The following RYR2 variants were observed in gnomAD, a reference collection of about 807,000 sequenced individuals.
RYR2 encodes the protein ryanodine receptor 2.
Under a neutral mutation model 601.1 loss-of-function variants are expected in RYR2, and 227 were observed. The observed-to-expected ratio is 0.38, with a 90% confidence interval of 0.34 to 0.42. The LOEUF is 0.42. RYR2 is among the 10% of genes least tolerant of loss of function. RYR2 has a pLI of 1.00. For synonymous variants in RYR2, 2,223 were observed against 2,175.1 expected, an observed-to-expected ratio of 1.02 and a Z score of -0.61; for missense variants, 4,646 against 6,156.5, an observed-to-expected ratio of 0.75 and a Z score of 8.21.
chr1:237,233,657 G>A lies in RYR2; in HGVS notation c.49-36840G>A, dbSNP rs372012562. Among the ~76,000 whole-genome samples, 9 of 152,030 alleles carry A rather than the reference G, an allele frequency of 5.9e-5. No individual in the cohort carries two copies. In the East Asian group the frequency reaches 1.3e-3, roughly 23 times the overall value. On this transcript the variant is annotated intron_variant, in intron 1 of 104. Transcript: ENST00000366574. ...TAGTTTTGCTATTCCCAGCTTGGTA[G>A]TCTTATTGTTATTTTGAAATGGAGT... is the stretch of plus-strand genomic sequence containing the variant.
intron 12 of RYR2, among the ~76,000 whole-genome samples, chr1:237,424,311 G>T (rs1705896437): frequency 6.6e-6 from 1 of 152,108 alleles, no homozygotes; most frequent in South Asian, 2.1e-4. Flanking sequence ...ATAAAGATTT[G>T]ACTTTGTATT....
chr1:237,221,028 G>A (rs1683747083), intron 1 of RYR2, among the ~76,000 whole-genome samples: 1 of 151,932 alleles, frequency 6.6e-6, no homozygotes, highest in Non-Finnish European at 1.5e-5. Context: ...CCCTGGAGGT[G>A]GAGTTTGCAG....
At chr1:237,489,579 C>T (rs1572559461) in intron 17 of RYR2, among the ~76,000 whole-genome samples, 1 of 152,148 alleles carries the variant, frequency 6.6e-6, no homozygotes, top group South Asian at 2.1e-4. Flanking sequence ...GTTGCTTGAA[C>T]CCGGGTGGTA....
At chr1:237,285,054 T>C (rs1691395204) in intron 2 of RYR2, among the ~76,000 whole-genome samples, 1 of 152,158 alleles carries the variant, frequency 6.6e-6, no homozygotes, top group South Asian at 2.1e-4. Flanking sequence ...TGGCTAGGAC[T>C]TCCAGTACTA....
intron 1 of RYR2, among the ~76,000 whole-genome samples, chr1:237,053,281 C>A (rs530313239): frequency 6.6e-6 from 1 of 152,138 alleles, no homozygotes; most frequent in African/African-American, 2.4e-5. Flanking sequence ...GTAGGTTCGA[C>A]GAAACGTCAG....
At chr1:237,268,803 G>A (rs1689338817) in intron 1 of RYR2, among the ~76,000 whole-genome samples, 1 of 151,190 alleles carries the variant, frequency 6.6e-6, no homozygotes, top group East Asian at 2.0e-4. Context: ...GGGTGTGGTG[G>A]TGGGTGCCTG....
intron 1 of RYR2, among the ~76,000 whole-genome samples, chr1:237,114,241 GA>G (rs1337527385): frequency 7.9e-5 from 12 of 152,166 alleles, no homozygotes; most frequent in African/African-American, 2.7e-4. Context: ...ATATTACTAG[GA>G]TTGGCCCAGA....
chr1:237,388,494 C>T (rs1344714180), intron 10 of RYR2, among the ~76,000 whole-genome samples: 1 of 152,164 alleles, frequency 6.6e-6, no homozygotes, highest in African/African-American at 2.4e-5. Flanking sequence ...ATTAAATGCT[C>T]ATTAGTTTTG....
chr1:237,730,307 T>C lies in RYR2; in HGVS notation c.10886T>C (p.Ile3629Thr). The stretch of plus-strand genomic sequence containing the variant: ...CTTCAGGGATATGAAAAGTCTTGGA[T>C]TGAAACAGAAGAACATTACTTTGAA... ...LFLQGYEKSW[I>T]ETEEHYFEDK... Residue 3629 changes from isoleucine to threonine, a missense_variant, in exon 77 of 105, where the codon ATT (isoleucine) becomes ACT (threonine). Physicochemically the swap from Ile to Thr is moderately conservative, Grantham distance 89 (BLOSUM62 -1). This residue lies in a region of RYR2 where 1,497 missense variants were observed against 1,842.6 expected (regional missense o/e 0.81). Coordinates refer to ENST00000366574, the MANE Select transcript of RYR2 (RefSeq NM_001035.3). 1.2e-6 allele frequency: 2 copies of C among 1,608,796 alleles called. No homozygotes were observed. Among genetic ancestry groups the C allele is most frequent in the Non-Finnish European group, 1.7e-6 (2 of 1,175,392 alleles).
chr1:237,596,331 AT>A (rs1234205950), intron 34 of RYR2, among the ~76,000 whole-genome samples: 1 of 152,228 alleles, frequency 6.6e-6, no homozygotes, highest in Non-Finnish European at 1.5e-5. Context: ...TGAATGAGAT[AT>A]TCAATGAAGA....
At chr1:237,449,992 G>A (rs1416523300) in intron 14 of RYR2, among the ~76,000 whole-genome samples, 1 of 152,074 alleles carries the variant, frequency 6.6e-6, no homozygotes, top group Non-Finnish European at 1.5e-5. Flanking sequence ...GGTGGGAAGA[G>A]CAGTGTTTAC....
intron 1 of RYR2, among the ~76,000 whole-genome samples, chr1:237,139,019 A>G (rs1571981340): frequency 1.3e-5 from 2 of 152,190 alleles, no homozygotes; most frequent in Non-Finnish European, 2.9e-5. Flanking sequence ...TGAACCAGCA[A>G]TTCCACTCCT....
intron 1 of RYR2, among the ~76,000 whole-genome samples, chr1:237,142,984 T>C (rs756658644): frequency 1.3e-5 from 2 of 152,174 alleles, no homozygotes; most frequent in Non-Finnish European, 2.9e-5. Context: ...GTTTAGACTA[T>C]CGTTCGAACA....
rs116441166 is a variant in RYR2 at position 237,331,172 on chromosome 1, T to C, written c.273+190T>C. 7.4e-3 allele frequency among the ~76,000 whole-genome samples: 1,130 copies of C among 152,320 alleles called. 14 individuals carry two copies. Among genetic ancestry groups the C allele is most frequent in the African/African-American group, 0.025 (1,050 of 41,568 alleles). On this transcript the variant is annotated intron_variant, in intron 3 of 104. Coordinates refer to ENST00000366574, the MANE Select transcript of RYR2 (RefSeq NM_001035.3). ...TGGTGTCTTGAAAACTAAAAAAATA[T>C]ATCCAAGCTTGATGTGATCTGTGTC... is the stretch of plus-strand genomic sequence containing the variant.
intron 1 of RYR2, among the ~76,000 whole-genome samples, chr1:237,123,415 A>G (rs1190298182): frequency 6.6e-6 from 1 of 151,972 alleles, no homozygotes; most frequent in Non-Finnish European, 1.5e-5. Context: ...AGCAAGACCT[A>G]GTCTCTACAA....
intron 1 of RYR2, among the ~76,000 whole-genome samples, chr1:237,201,963 G>T (rs1681244957): frequency 6.6e-6 from 1 of 152,144 alleles, no homozygotes; most frequent in Admixed American, 6.5e-5. Flanking sequence ...TCTCAATTTG[G>T]ATGGATTTCC....
chr1:237,729,224 C>T (rs1057281059), intron 76 of RYR2, among the ~76,000 whole-genome samples: 3 of 152,114 alleles, frequency 2.0e-5, no homozygotes, highest in African/African-American at 7.2e-5. Context: ...AGTGGTTCGC[C>T]AACCTGGTGC....
chr1:237,675,818 A>G (rs1322073560), intron 60 of RYR2, among the ~76,000 whole-genome samples: 2 of 152,058 alleles, frequency 1.3e-5, no homozygotes, highest in East Asian at 1.9e-4. Context: ...AGATTTTCCA[A>G]TTGAGCATCT....
intron 13 of RYR2, among the ~76,000 whole-genome samples, chr1:237,443,485 T>G (rs902542034): frequency 1.3e-5 from 2 of 152,216 alleles, no homozygotes; most frequent in African/African-American, 4.8e-5. Flanking sequence ...TTTAACTTGT[T>G]GATAAAATAA....
Sources: gnomAD v4.1 joint callset for allele counts (sites outside exome capture counted in the v4.1 genomes callset) on GRCh38, gnomAD v4.1.1 for gene constraint, gnomAD v4.1.1 regional missense constraint, MANE v1.5 for transcripts, NCBI Gene and HGNC (gene_info 2026-07-23, HGNC 2026-07-21) for gene names.